Variants in CNTN6 observed in about 807,000 individuals in gnomAD.
The protein encoded by CNTN6 is contactin 6.
CNTN6 carries 137 observed loss-of-function variants against 122.8 expected under a neutral mutation model. That is an observed-to-expected ratio of 1.12 (90% confidence interval 0.97 to 1.29). CNTN6 has a LOEUF of 1.29. CNTN6 is among the 50% of genes most tolerant of loss of function. The pLI is 0.00. For synonymous variants in CNTN6, 570 were observed against 426.0 expected, an observed-to-expected ratio of 1.34 and a Z score of -4.16; for missense variants, 1,634 against 1,223.4, an observed-to-expected ratio of 1.34 and a Z score of -5.01.
rs57847953 is a variant in CNTN6, at chr3:1,098,756, G to GCA, written c.-83+5669_-83+5670dup. On this transcript the variant is annotated intron_variant, in intron 1 of 22. Transcript: ENST00000446702. ...GTCTTTGAATTCTTTTGGCAGTAAT[G>GCA]CACACACACACACACACACACACAC... Among the ~76,000 whole-genome samples, 857 of 88,976 alleles carry GCA rather than the reference G, an allele frequency of 9.6e-3. 12 individuals carry two copies. The highest frequency in any genetic ancestry group is 0.014 in the Middle Eastern group (2 of 142). The allele number at this position is 88,976 out of a possible 152,430, so 58.4% of individuals were successfully genotyped here. A position where few individuals can be genotyped will look rare whatever the true frequency, so the allele number is the denominator to read the frequency against.
chr3:1,351,765 G>C (rs555609766), intron 11 of CNTN6, among the ~76,000 whole-genome samples: 1 of 151,524 alleles, frequency 6.6e-6, no homozygotes, highest in Admixed American at 6.6e-5. Flanking sequence ...CTTTTTGATG[G>C]GATAGCCACA....
chr3:1,376,898 A>C, intron 16 of CNTN6, 107 bp from the exon 17 acceptor site: 1 of 708,194 alleles, frequency 1.4e-6, no homozygotes, highest in Non-Finnish European at 2.5e-6. Flanking sequence ...ACTCTCTCAC[A>C]GTATGCCTGT....
chr3:1,330,937 A>G (rs566676205), intron 11 of CNTN6, among the ~76,000 whole-genome samples: 16 of 152,028 alleles, frequency 1.1e-4, no homozygotes, highest in South Asian at 2.1e-4. Flanking sequence ...AGAACTTCCA[A>G]TGTTTCAGAG....
At chr3:1,210,822 G>A (rs1024179921) in intron 2 of CNTN6, among the ~76,000 whole-genome samples, 2 of 152,172 alleles carry the variant, frequency 1.3e-5, no homozygotes, top group Admixed American at 6.5e-5. Flanking sequence ...GCCATTAAAG[G>A]CATTAAAATA....
chr3:1,108,936 G>T (rs1553595342), intron 1 of CNTN6, among the ~76,000 whole-genome samples: 1 of 151,966 alleles, frequency 6.6e-6, no homozygotes, highest in Non-Finnish European at 1.5e-5. Flanking sequence ...TTCAATTTTA[G>T]AATTACCATT....
rs562411946 is a variant in CNTN6, at chr3:1,255,297, C to T, written c.359-23116C>T. 2.0e-5 allele frequency among the ~76,000 whole-genome samples: 3 copies of T among 151,862 alleles called. No homozygotes were observed. In the South Asian group the frequency reaches 6.2e-4, roughly 32 times the overall value. ...GGTACAGGAAGGTGAAAAATTAGGA[C>T]TAAGTTGTAATCACTCTCCCATGGT... On this transcript the variant is annotated intron_variant, in intron 4 of 22. Coordinates refer to ENST00000446702, the MANE Select transcript of CNTN6 (RefSeq NM_001289080.2).
intron 4 of CNTN6, among the ~76,000 whole-genome samples, chr3:1,272,766 T>C (rs2095047571): frequency 4.6e-5 from 7 of 152,178 alleles, no homozygotes; most frequent in Admixed American, 4.6e-4. Flanking sequence ...AAGTGCATCG[T>C]CTGATTGTGA....
rs929634557 is a variant in CNTN6, at chr3:1,323,335, A to G, written c.946+1501A>G. Among the ~76,000 whole-genome samples the G allele has an allele frequency of 6.6e-5, 10 of 151,928 alleles. No homozygotes were observed. The South Asian group carries it at 1.7e-3, about 25-fold the overall frequency. Reference sequence around the variant, plus strand: ...CCTTGAAATGTCTTCTGAAACTGCCATAGCATTTCAACATGGTGGTCTAAG... The same window carrying G: ...CCTTGAAATGTCTTCTGAAACTGCCGTAGCATTTCAACATGGTGGTCTAAG... On this transcript the variant is annotated intron_variant, in intron 8 of 22. Transcript: ENST00000446702.
chr3:1,139,005 T>C (rs1313992936), intron 1 of CNTN6, among the ~76,000 whole-genome samples: 1 of 152,164 alleles, frequency 6.6e-6, no homozygotes, highest in African/African-American at 2.4e-5. Flanking sequence ...AACTTACCAC[T>C]AGAAACTTCT....
At chr3:1,384,951 A>G (rs927089382) in intron 19 of CNTN6, among the ~76,000 whole-genome samples, 4 of 149,276 alleles carry the variant, frequency 2.7e-5, no homozygotes, top group Admixed American at 6.6e-5. Context: ...TTTCATCCCT[A>G]GTCGCCTCTT....
At chr3:1,308,127 T>A (rs1213008469) in intron 7 of CNTN6, among the ~76,000 whole-genome samples, 1 of 152,206 alleles carries the variant, frequency 6.6e-6, no homozygotes, top group Non-Finnish European at 1.5e-5. Context: ...AATTTACTTC[T>A]GTCAGTACTG....
chr3:1,133,872 C>T (rs1177498446), intron 1 of CNTN6, among the ~76,000 whole-genome samples: 1 of 152,170 alleles, frequency 6.6e-6, no homozygotes, highest in Non-Finnish European at 1.5e-5. Context: ...CAGTAGCCAT[C>T]AAGACTGAAG....
chr3:1,157,695 A>G (rs7617839), intron 2 of CNTN6, among the ~76,000 whole-genome samples: 28,612 of 151,206 alleles, frequency 0.19, 3,487 homozygotes, highest in African/African-American at 0.33. Flanking sequence ...TCTACTCTCT[A>G]TCTCCATGAG....
At chr3:1,360,039 C>G (rs1261911095) in intron 12 of CNTN6, among the ~76,000 whole-genome samples, 2 of 152,082 alleles carry the variant, frequency 1.3e-5, no homozygotes, top group Non-Finnish European at 2.9e-5. Context: ...TACTCCTTCA[C>G]TTTGGTTGAT....
intron 12 of CNTN6, among the ~76,000 whole-genome samples, chr3:1,369,954 A>G (rs560432690): frequency 6.6e-6 from 1 of 152,128 alleles, no homozygotes; most frequent in East Asian, 1.9e-4. Flanking sequence ...CAATTAAATT[A>G]CAAAACAATA....
rs751356436 is a variant in CNTN6, at chr3:1,325,853, C to T, written c.985C>T (p.Leu329Phe). Residue 329 changes from leucine to phenylalanine, a missense_variant, in exon 9 of 23, where the codon CTC (leucine) becomes TTC (phenylalanine). By Grantham distance (22) the Leu-to-Phe change is conservative. Coordinates refer to ENST00000446702, the MANE Select transcript of CNTN6 (RefSeq NM_001289080.2). The stretch of plus-strand genomic sequence containing the variant: ...GGAACAGAAAATCCAAAATACACAC[C>T]TCTCTATCTATGACAACTTGCTCTG... Reference protein sequence around the residue: ...EWEQKIQNTHLSIYDNLLWEC... With the variant: ...EWEQKIQNTHFSIYDNLLWEC... 1.2e-6 allele frequency: 2 copies of T among 1,611,850 alleles called. No homozygotes were observed. Among genetic ancestry groups the T allele is most frequent in the Admixed American group, 1.7e-5 (1 of 59,804 alleles).
chr3:1,325,725 T>G, intron 8 of CNTN6, 90 bp from the exon 9 acceptor site: 1 of 1,379,172 alleles, frequency 7.3e-7, no homozygotes, highest in Non-Finnish European at 9.8e-7. Flanking sequence ...GTTAGCCTTG[T>G]CCTTCTGATC....
chr3:1,228,000 T>A lies in CNTN6; in HGVS notation c.358+7T>A. On this transcript the variant is annotated splice_region_variant and intron_variant, in intron 4 of 22. Transcript: ENST00000446702. Reference sequence around the variant, plus strand: ...GCAAAGCTCCAATTTGCATGTGAGTTTGGGGTAAATTTTGTAATCTTTGTC... The same window carrying A: ...GCAAAGCTCCAATTTGCATGTGAGTATGGGGTAAATTTTGTAATCTTTGTC... The A allele has an allele frequency of 6.2e-7, 1 of 1,609,590 alleles. No individual in the cohort carries two copies. Among genetic ancestry groups the A allele is most frequent in the Non-Finnish European group, 8.5e-7 (1 of 1,177,556 alleles).
chr3:1,385,501 T>TTCTG lies in CNTN6; in HGVS notation c.2518-106_2518-103dup, dbSNP rs1248417167. ...TAGAAAACGTTTTTGTCATCTATAC[T>TTCTG]TCTGTCTTCTTCCCATATTCCTTGT... On this transcript the variant is annotated intron_variant, in intron 19 of 22. Transcript: ENST00000446702. The TTCTG allele has an allele frequency of 9.1e-6, 7 of 765,520 alleles. No individual in the cohort carries two copies. In the East Asian group the frequency reaches 1.1e-4, roughly 12 times the overall value. The allele number at this position is 765,520 out of a possible 1,614,324, so 47.4% of individuals were successfully genotyped here. A position where few individuals can be genotyped will look rare whatever the true frequency, so the allele number is the denominator to read the frequency against.
Sources: allele counts gnomAD v4.1 joint callset (sites outside exome capture counted in the v4.1 genomes callset), GRCh38; gene constraint gnomAD v4.1.1; transcripts MANE v1.5; gene names NCBI Gene and HGNC (gene_info 2026-07-23, HGNC 2026-07-21).